Variants in CELF2 observed in about 807,000 individuals in gnomAD.
The protein encoded by CELF2 is CUGBP Elav-like family member 2.
Under a neutral mutation model 62.6 loss-of-function variants are expected in CELF2, and 8 were observed. That is an observed-to-expected ratio of 0.13 (90% CI 0.07 to 0.23). CELF2 has a LOEUF of 0.23. Among genes scored for constraint, CELF2 ranks in the 10% least tolerant of loss-of-function variants. CELF2 has a pLI of 1.00. For missense variants in CELF2, 333 were observed against 671.0 expected (o/e 0.50, Z 5.56); for synonymous variants, 258 against 250.0 (o/e 1.03, Z -0.30).
chr10:10,484,858 G>T, the CELF2 span, among the ~76,000 whole-genome samples: 1 of 152,122 alleles, frequency 6.6e-6, no homozygotes, highest in Non-Finnish European at 1.5e-5. Flanking sequence ...CCTGGATATG[G>T]ACTTTATTTT....
chr10:10,955,607 G>A (rs912269394), intron 2 of CELF2, among the ~76,000 whole-genome samples: 2 of 152,218 alleles, frequency 1.3e-5, no homozygotes, highest in African/African-American at 4.8e-5. Context: ...CATGGATGCA[G>A]GAGCTCAGGC....
At chr10:10,554,151 A>G in the CELF2 span, among the ~76,000 whole-genome samples, 7 of 152,158 alleles carry the variant, frequency 4.6e-5, no homozygotes, top group Non-Finnish European at 7.4e-5. Context: ...ATAAGGGGGG[A>G]AAGTCAACAG....
intron 1 of CELF2, among the ~76,000 whole-genome samples, chr10:10,813,801 G>A (rs115803577): frequency 0.011 from 1,633 of 152,298 alleles, 21 homozygotes; most frequent in African/African-American, 0.033. Flanking sequence ...GCCATGGGCC[G>A]TGGTTTGCTA....
intron 1 of CELF2, among the ~76,000 whole-genome samples, chr10:11,019,606 G>A (rs1035439567): frequency 6.6e-6 from 1 of 152,132 alleles, no homozygotes; most frequent in African/African-American, 2.4e-5. Context: ...AAAAAGGAGG[G>A]GGGTGGAGGA....
At chr10:10,918,604 C>G (rs1365429261) in intron 1 of CELF2, among the ~76,000 whole-genome samples, 1 of 152,034 alleles carries the variant, frequency 6.6e-6, no homozygotes, top group Non-Finnish European at 1.5e-5. Context: ...CAGGGAATGT[C>G]CTTTGTTGAG....
intron 9 of CELF2, among the ~76,000 whole-genome samples, chr10:11,301,458 C>G (rs1591052980): frequency 3.1e-5 from 2 of 64,160 alleles, no homozygotes; most frequent in African/African-American, 6.7e-5. Flanking sequence ...CCGCTCCCCC[C>G]ACCACTTCAC....
At chr10:10,705,786 G>A in the CELF2 span, among the ~76,000 whole-genome samples, 1 of 152,152 alleles carries the variant, frequency 6.6e-6, no homozygotes, top group African/African-American at 2.4e-5. Flanking sequence ...CGTAACACAG[G>A]AGGCCCATTC....
intron 1 of CELF2, among the ~76,000 whole-genome samples, chr10:10,870,855 T>G (rs2060695554): frequency 6.6e-6 from 1 of 152,114 alleles, no homozygotes; most frequent in African/African-American, 2.4e-5. Context: ...TAAAAAGGGA[T>G]TTACTGCCTC....
At chr10:10,836,203 G>A (rs12218816) in intron 1 of CELF2, among the ~76,000 whole-genome samples, 34,056 of 151,886 alleles carry the variant, frequency 0.22, 3,933 homozygotes, top group South Asian at 0.27. Flanking sequence ...CTAGGGAGAA[G>A]CATAAGAAAA....
intron 1 of CELF2, among the ~76,000 whole-genome samples, chr10:11,153,347 G>A (rs1465912216): frequency 6.6e-6 from 1 of 152,018 alleles, no homozygotes; most frequent in Admixed American, 6.6e-5. Context: ...CATTAACACC[G>A]TTATCACCGT....
the CELF2 span, among the ~76,000 whole-genome samples, chr10:10,517,877 A>C: frequency 0.015 from 2,232 of 152,344 alleles, 59 homozygotes; most frequent in African/African-American, 0.051. Context: ...TTAATGTGCT[A>C]GAAAATTCTT....
At chr10:10,811,354 G>C (rs2055865962) in intron 1 of CELF2, among the ~76,000 whole-genome samples, 1 of 152,134 alleles carries the variant, frequency 6.6e-6, no homozygotes, top group Non-Finnish European at 1.5e-5. Context: ...ATGGGGTGGA[G>C]GGCCAGAAAG....
At chr10:11,065,566 G>C (rs1333025421) in intron 1 of CELF2, among the ~76,000 whole-genome samples, 2 of 152,084 alleles carry the variant, frequency 1.3e-5, no homozygotes, top group Admixed American at 6.5e-5. Flanking sequence ...GTCAAAATGA[G>C]GGGGGGATCC....
rs146971599 is a variant in CELF2, at chr10:11,233,718, A to G, written c.355-15435A>G. Among the ~76,000 whole-genome samples, 410 of 152,068 alleles carry G rather than the reference A, an allele frequency of 2.7e-3. 1 individual carries two copies. The highest frequency in any genetic ancestry group is 9.0e-3 in the African/African-American group (373 of 41,452). ...ATACACTTCACCTTTCTAACCCCCA[A>G]CCTCCAACAGTGAAGATACCGGGAT... On this transcript the variant is annotated intron_variant, in intron 3 of 12. Coordinates refer to ENST00000633077, the MANE Select transcript of CELF2 (RefSeq NM_001326342.2).
At chr10:10,587,818 G>A in the CELF2 span, among the ~76,000 whole-genome samples, 1 of 152,116 alleles carries the variant, frequency 6.6e-6, no homozygotes, top group Non-Finnish European at 1.5e-5. Context: ...TTCAAGAGGA[G>A]AAATGAGGGC....
intron 1 of CELF2, among the ~76,000 whole-genome samples, chr10:10,892,693 T>C (rs1010853458): frequency 6.6e-6 from 1 of 152,216 alleles, no homozygotes; most frequent in Non-Finnish European, 1.5e-5. Flanking sequence ...ACTTGGACAA[T>C]GTGTCATTCC....
chr10:10,541,310 T>C, the CELF2 span, among the ~76,000 whole-genome samples: 1 of 151,468 alleles, frequency 6.6e-6, no homozygotes, highest in Non-Finnish European at 1.5e-5. Context: ...TGTCATATTG[T>C]TACTGGAAAG....
At position 11,305,399 on chromosome 10, in the gene CELF2, G is replaced by A. The variant is rs1044660775; in HGVS notation, c.977-8740G>A. Among the ~76,000 whole-genome samples, 6 of 152,280 alleles carry A rather than the reference G, an allele frequency of 3.9e-5. No individual in the cohort carries two copies. The highest frequency in any genetic ancestry group is 2.1e-4 in the South Asian group (1 of 4,826). Reference sequence around the variant, plus strand: ...ATCCTGCATCCCTCACGGGTACACCGGGGCCAGTCCCTTCAACACTCTGGG... The same window carrying A: ...ATCCTGCATCCCTCACGGGTACACCAGGGCCAGTCCCTTCAACACTCTGGG... On this transcript the variant is annotated intron_variant, in intron 9 of 12. Coordinates refer to ENST00000633077, the MANE Select transcript of CELF2 (RefSeq NM_001326342.2). The surrounding 1 kb of genome is among the most constrained non-coding windows in gnomAD (Gnocchi z 4.8).
rs913531394 is a variant in CELF2, at chr10:11,177,972, C to T, written c.271+12290C>T. Among the ~76,000 whole-genome samples the T allele has an allele frequency of 2.6e-5, 4 of 152,176 alleles. No homozygotes were observed. The highest frequency in any genetic ancestry group is 7.2e-5 in the African/African-American group (3 of 41,440). On this transcript the variant is annotated intron_variant, in intron 2 of 12. Transcript: ENST00000633077. This position sits in a 1 kb window ranked among gnomAD's most constrained non-coding sequence, Gnocchi z 4.8. ...CCTGTGAGGCTCAGTAAGCCGCAGC[C>T]TAGATTGGAACAGCGTGACTGCCTG...
Sources: allele counts gnomAD v4.1 joint callset (sites outside exome capture counted in the v4.1 genomes callset), GRCh38; gene constraint gnomAD v4.1.1; non-coding constraint Gnocchi (gnomAD v3.1); transcripts MANE v1.5; gene names NCBI Gene and HGNC (gene_info 2026-07-23, HGNC 2026-07-21).